BRD1: variants seen among roughly 807,000 people sequenced by gnomAD.
The protein encoded by BRD1 is bromodomain containing 1.
In BRD1, 24 loss-of-function variants were observed where a neutral mutation model predicts 107.7. The ratio of observed to expected loss-of-function variants is 0.22; its 90% CI spans 0.16 to 0.31. The LOEUF is 0.31. Among genes scored for constraint, BRD1 ranks in the 10% least tolerant of loss-of-function variants. The probability of loss-of-function intolerance (pLI) is 1.00; values close to 1 mark genes in which losing one functional copy is unlikely to be tolerated. For missense variants in BRD1, 1,279 were observed against 1,638.6 expected, an observed-to-expected ratio of 0.78 and a Z score of 3.79; for synonymous variants, 744 against 686.1, an observed-to-expected ratio of 1.08 and a Z score of -1.32.
intron 2 of BRD1, among the ~76,000 whole-genome samples, chr22:49,821,152 G>GC (rs2147393654): frequency 6.6e-6 from 1 of 152,310 alleles, no homozygotes; most frequent in South Asian, 2.1e-4. Context: ...CTTCAGTCCT[G>GC]CCTACCCAAC....
At chr22:49,817,736 A>T (rs761512669) in intron 2 of BRD1, 1 of 192,926 alleles carries the variant, frequency 5.2e-6, no homozygotes, top group African/African-American at 2.4e-5. Context: ...TCTTTCTCTA[A>T]ACATGCCTCA....
intron 2 of BRD1, among the ~76,000 whole-genome samples, chr22:49,820,337 A>G (rs1011844309): frequency 6.6e-6 from 1 of 152,200 alleles, no homozygotes; most frequent in African/African-American, 2.4e-5. Context: ...GGCCTGAAGC[A>G]TAACATCCTC....
chr22:49,800,528 G>A (rs986593799), intron 3 of BRD1, among the ~76,000 whole-genome samples: 2 of 152,186 alleles, frequency 1.3e-5, no homozygotes, highest in Admixed American at 1.3e-4. Context: ...AGGACATTTG[G>A]CCTGGGAATC....
intron 2 of BRD1, chr22:49,817,541 C>G (rs2059976891): frequency 6.0e-6 from 1 of 166,270 alleles, no homozygotes; most frequent in African/African-American, 2.4e-5. Flanking sequence ...GGGCTAGGAC[C>G]AGCAGGCGGC....
At position 49,778,662 on chromosome 22, in the gene BRD1, AT is replaced by A. The variant is rs770939387; in HGVS notation, c.2858-850del. Among the ~76,000 whole-genome samples, 1,260 of 149,970 alleles carry A rather than the reference AT, an allele frequency of 8.4e-3. 16 individuals are homozygous for A. Among genetic ancestry groups the A allele is most frequent in the East Asian group, 0.032 (165 of 5,094 alleles). On this transcript the variant is annotated intron_variant, in intron 8 of 12. Transcript: ENST00000404760. Reference sequence around the variant, plus strand: ...GGTGTCAGAGCTAAAGGGGTGTGTGATTTTTTTTTTCTTTTTTGAGGCGGAG... The same window carrying A: ...GGTGTCAGAGCTAAAGGGGTGTGTGATTTTTTTTTCTTTTTTGAGGCGGAG...
Position 49,788,008 on chromosome 22 carries a change from A to G in BRD1, c.2360-121T>C, listed in dbSNP as rs1465483376. On this transcript the variant is annotated intron_variant, in intron 7 of 12. Coordinates refer to ENST00000404760, the MANE Select transcript of BRD1 (RefSeq NM_001304808.3). ...TTCAGTTAAGGAAACAAGGCATCGC[A>G]TGTACTGTCTGCTCGGCAGTGTGGG... 1.2e-5 allele frequency: 12 copies of G among 1,014,542 alleles called. No homozygotes were observed. In the East Asian group the frequency reaches 2.4e-4, roughly 20 times the overall value. 62.8% of individuals were successfully genotyped at this position (1,014,542 alleles called of 1,614,324 possible).
intron 7 of BRD1, among the ~76,000 whole-genome samples, chr22:49,788,694 C>G (rs968655505): frequency 6.6e-6 from 1 of 152,076 alleles, no homozygotes; most frequent in African/African-American, 2.4e-5. Context: ...GGCTCTGGCA[C>G]GAGGCTAACA....
rs2060109292 is a variant in BRD1 at position 49,823,577 on chromosome 22, C to G, written c.741G>C (p.Gly247=). The change falls in exon 2 of 13, where the codon GGG becomes GGC. Residue 247 remains glycine, a synonymous_variant. Transcript: ENST00000404760. ...ACTGGCCCTCGGGGATGTAGGGCAC[C>G]CCGTAGCACTCCTGGTGCACGGCCA... The part of the protein sequence containing the change: ...CNLAVHQECY[G]VPYIPEGQWL... 1 of 1,605,144 alleles carries G rather than the reference C, an allele frequency of 6.2e-7. No homozygotes were observed.
At chr22:49,815,703 G>A (rs1049342171) in intron 2 of BRD1, among the ~76,000 whole-genome samples, 4 of 152,150 alleles carry the variant, frequency 2.6e-5, no homozygotes, top group Admixed American at 6.5e-5. Flanking sequence ...GTCACAGGAG[G>A]GCAGGAATGA....
intron 7 of BRD1, among the ~76,000 whole-genome samples, chr22:49,788,716 C>T (rs1432346684): frequency 2.0e-5 from 3 of 152,224 alleles, no homozygotes; most frequent in East Asian, 3.9e-4. Context: ...GGCGAGGCGA[C>T]GCCACAACAA....
In BRD1 at chr22:49,789,056, G is replaced by A. The variant is rs7285293; in HGVS notation, c.2360-1169C>T. 1.8e-3 allele frequency among the ~76,000 whole-genome samples: 268 copies of A among 152,270 alleles called. 1 individual carries two copies. The highest frequency in any genetic ancestry group is 0.01 in the Middle Eastern group (3 of 294). ...CATGACGCCGGGCAGCAGTGCTTTC[G>A]GCTGCGAGGTGCCTCTGATTTTAAA... On this transcript the variant is annotated intron_variant, in intron 7 of 12. Coordinates refer to ENST00000404760, the MANE Select transcript of BRD1 (RefSeq NM_001304808.3).
At chr22:49,788,028 T>C (rs1344405067) in intron 7 of BRD1, 141 bp from the exon 8 acceptor site, 7 of 883,346 alleles carry the variant, frequency 7.9e-6, no homozygotes, top group Middle Eastern at 3.6e-4. Flanking sequence ...TGCTCGGCAG[T>C]GTGGGCCCCG....
At chr22:49,800,511 G>T (rs6009879) in intron 3 of BRD1, among the ~76,000 whole-genome samples, 7,643 of 152,128 alleles carry the variant, frequency 0.05, 582 homozygotes, top group African/African-American at 0.16. Flanking sequence ...TGAAAACCTC[G>T]GCCAAAAGGA....
chr22:49,799,139 C>T lies in BRD1; in HGVS notation c.1525-20G>A. On this transcript the variant is annotated intron_variant, in intron 3 of 12. Coordinates refer to ENST00000404760, the MANE Select transcript of BRD1 (RefSeq NM_001304808.3). Reference sequence around the variant, plus strand: ...TTCTCTCTGAGAACAGTGAACACTTCCGTCAGTCAAACCCAGAGGCTCCTT... The same window carrying T: ...TTCTCTCTGAGAACAGTGAACACTTTCGTCAGTCAAACCCAGAGGCTCCTT... 6.3e-7 allele frequency: 1 copy of T among 1,598,982 alleles called. No individual in the cohort carries two copies. The highest frequency in any genetic ancestry group is 8.5e-7 in the Non-Finnish European group (1 of 1,176,494).
At chr22:49,810,128 AAAAG>A (rs1389261366) in intron 2 of BRD1, among the ~76,000 whole-genome samples, 2 of 152,322 alleles carry the variant, frequency 1.3e-5, no homozygotes, top group Admixed American at 6.5e-5. Flanking sequence ...ATTTGGTTAA[AAAAG>A]AAAGAAAGAG....
rs114288518 is a variant in BRD1 at position 49,803,707 on chromosome 22, G to A, written c.1524+497C>T. 6.4e-4 allele frequency among the ~76,000 whole-genome samples: 98 copies of A among 152,106 alleles called. No individual in the cohort carries two copies. Among genetic ancestry groups the A allele is most frequent in the African/African-American group, 2.3e-3 (97 of 41,468 alleles). ...CTCGAGCCCTCCCCACCCCACCACAGTCCCAGCTAAACCAACCTTCAGAGC... is the reference window on the plus strand; with the variant it reads ...CTCGAGCCCTCCCCACCCCACCACAATCCCAGCTAAACCAACCTTCAGAGC... On this transcript the variant is annotated intron_variant, in intron 3 of 12. Transcript: ENST00000404760. This position sits in a 1 kb window ranked among gnomAD's most constrained non-coding sequence, Gnocchi z 4.4.
chr22:49,796,831 C>A (rs1048921195), intron 6 of BRD1, among the ~76,000 whole-genome samples: 1 of 142,006 alleles, frequency 7.0e-6, no homozygotes, highest in Admixed American at 7.0e-5. Flanking sequence ...GCGGACCCCA[C>A]GATGGCGGGA....
intron 6 of BRD1, among the ~76,000 whole-genome samples, chr22:49,796,355 CTTTT>C (rs59154755): frequency 0.093 from 13,874 of 149,324 alleles, 789 homozygotes; most frequent in South Asian, 0.17. Context: ...CGGCCTCTCT[CTTTT>C]TTCTTTTTTT....
rs199890173 is a variant in BRD1 at position 49,777,722 on chromosome 22, G to A, written c.2949C>T (p.Ser983=). 1.7e-4 allele frequency: 280 copies of A among 1,608,060 alleles called. No homozygotes were observed. The highest frequency in any genetic ancestry group is 2.2e-4 in the Non-Finnish European group (265 of 1,178,402). ...TGTTGCTGGAGGAGATGCTGGACTCGGAGGCACAGCGTCGTCGGGGTGTGG... is the reference window on the plus strand; with the variant it reads ...TGTTGCTGGAGGAGATGCTGGACTCAGAGGCACAGCGTCGTCGGGGTGTGG... ...RKATPRRRCA[S]ESSISSSNSP... is the part of the protein sequence containing the mutation. Residue 983 remains serine (S), a synonymous_variant, in exon 9 of 13, where the codon TCC becomes TCT. Coordinates refer to ENST00000404760, the MANE Select transcript of BRD1 (RefSeq NM_001304808.3).
Sources: gnomAD v4.1 joint callset for allele counts (sites outside exome capture counted in the v4.1 genomes callset) on GRCh38, gnomAD v4.1.1 for gene constraint, Gnocchi (gnomAD v3.1) non-coding constraint, MANE v1.5 for transcripts, NCBI Gene and HGNC (gene_info 2026-07-23, HGNC 2026-07-21) for gene names.